NOL4: variants seen among roughly 807,000 people sequenced by gnomAD.
NOL4 encodes cancer/testis antigen 125.
NOL4 carries 17 observed loss-of-function variants against 75.9 expected under a neutral mutation model. The observed-to-expected ratio is 0.22, with a 90% confidence interval of 0.15 to 0.34. The LOEUF (loss-of-function observed/expected upper bound fraction) is 0.34. Ranked by LOEUF, NOL4 falls within the 10% of genes least tolerant of loss-of-function variation. The pLI is 1.00. For missense variants in NOL4, 614 were observed against 793.5 expected, an observed-to-expected ratio of 0.77 and a Z score of 2.72; for synonymous variants, 292 against 289.9, an observed-to-expected ratio of 1.01 and a Z score of -0.07.
chr18:33,924,201 C>A (rs906789654), intron 9 of NOL4, among the ~76,000 whole-genome samples: 1 of 152,220 alleles, frequency 6.6e-6, no homozygotes, highest in Non-Finnish European at 1.5e-5. Flanking sequence ...CAGCTCCCTG[C>A]AGCTGCGTCT....
chr18:33,955,155 T>C (rs1350757086), intron 8 of NOL4, among the ~76,000 whole-genome samples: 1 of 152,110 alleles, frequency 6.6e-6, no homozygotes, highest in Non-Finnish European at 1.5e-5. Flanking sequence ...ATAGGTATTA[T>C]AAAGTTTTTA....
chr18:34,200,391 T>C (rs897932670), intron 1 of NOL4, among the ~76,000 whole-genome samples: 2 of 151,844 alleles, frequency 1.3e-5, no homozygotes, highest in African/African-American at 4.8e-5. Context: ...ATAAAGTGAA[T>C]TTTTTATTAA....
intron 6 of NOL4, among the ~76,000 whole-genome samples, chr18:33,984,181 A>C (rs1438489122): frequency 6.6e-6 from 1 of 152,164 alleles, no homozygotes; most frequent in Non-Finnish European, 1.5e-5. Flanking sequence ...CTTTACCAAC[A>C]AACGAAATCT....
intron 5 of NOL4, among the ~76,000 whole-genome samples, chr18:34,030,299 A>G (rs1268480956): frequency 6.6e-6 from 1 of 152,198 alleles, no homozygotes; most frequent in African/African-American, 2.4e-5. Flanking sequence ...TATTCAAAGA[A>G]TCCTGAATTC....
chr18:34,077,549 G>A (rs189262847), intron 5 of NOL4, among the ~76,000 whole-genome samples: 2 of 151,742 alleles, frequency 1.3e-5, no homozygotes, highest in Admixed American at 6.6e-5. Flanking sequence ...AGCACCTAAC[G>A]ATTAACTTTA....
intron 6 of NOL4, among the ~76,000 whole-genome samples, chr18:33,980,864 G>T (rs1417676844): frequency 6.6e-6 from 1 of 151,898 alleles, no homozygotes; most frequent in Admixed American, 6.6e-5. Context: ...AGAACCAGAC[G>T]CAGGTATGGC....
intron 5 of NOL4, among the ~76,000 whole-genome samples, chr18:34,056,355 C>T (rs2076833461): frequency 6.6e-6 from 1 of 152,134 alleles, no homozygotes; most frequent in Non-Finnish European, 1.5e-5. Context: ...GATGTTTCTC[C>T]TCTGGGCTCG....
At chr18:34,128,487 C>A (rs1287571658) in intron 2 of NOL4, among the ~76,000 whole-genome samples, 1 of 151,836 alleles carries the variant, frequency 6.6e-6, no homozygotes, top group Non-Finnish European at 1.5e-5. Flanking sequence ...AGAGGAATAG[C>A]CCTGGCTTAG....
At chr18:34,172,541 C>G (rs2033150180) in intron 1 of NOL4, among the ~76,000 whole-genome samples, 1 of 151,926 alleles carries the variant, frequency 6.6e-6, no homozygotes, top group African/African-American at 2.4e-5. Context: ...GAATTTATAC[C>G]CAGAAGTAGA....
intron 6 of NOL4, among the ~76,000 whole-genome samples, chr18:34,003,303 A>G (rs969203787): frequency 1.3e-5 from 2 of 152,138 alleles, no homozygotes; most frequent in East Asian, 3.9e-4. Flanking sequence ...GTCTCACTCA[A>G]TAGATTGAGC....
At chr18:34,177,768 A>G (rs755943457) in intron 1 of NOL4, among the ~76,000 whole-genome samples, 2 of 151,930 alleles carry the variant, frequency 1.3e-5, no homozygotes, top group African/African-American at 2.4e-5. Flanking sequence ...CAGAAAATCT[A>G]TTCTTCAAAA....
rs1309585997 is a variant in NOL4 at position 34,060,920 on chromosome 18, T to C, written c.772+32545A>G. On this transcript the variant is annotated intron_variant, in intron 5 of 10. Coordinates refer to ENST00000261592, the MANE Select transcript of NOL4 (RefSeq NM_003787.5). ...TGACCTCTTAAAAATAAAAGTGCTA[T>C]GTAAATGCACAAAGACATCATTCCT... 2.0e-5 allele frequency among the ~76,000 whole-genome samples: 3 copies of C among 152,216 alleles called. No homozygotes were observed. The East Asian group carries it at 5.8e-4, about 29-fold the overall frequency.
chr18:33,993,167 T>G (rs1268621777), intron 6 of NOL4, among the ~76,000 whole-genome samples: 1 of 151,946 alleles, frequency 6.6e-6, no homozygotes, highest in Non-Finnish European at 1.5e-5. Flanking sequence ...GCACCTGAGT[T>G]TTATTGCCTT....
intron 5 of NOL4, among the ~76,000 whole-genome samples, chr18:34,078,994 A>AT (rs942260575): frequency 1.2e-4 from 18 of 151,986 alleles, no homozygotes; most frequent in Non-Finnish European, 2.4e-4. Flanking sequence ...AATAGAAGAC[A>AT]TTTTTTCTTT....
At position 34,002,716 on chromosome 18, in the gene NOL4, T is replaced by G. The variant is rs544781142; in HGVS notation, c.1056+16602A>C. Among the ~76,000 whole-genome samples, 4 of 152,234 alleles carry G rather than the reference T, an allele frequency of 2.6e-5. No individual in the cohort carries two copies. The South Asian group carries it at 8.3e-4, about 32-fold the overall frequency. On this transcript the variant is annotated intron_variant, in intron 6 of 10. Coordinates refer to ENST00000261592, the MANE Select transcript of NOL4 (RefSeq NM_003787.5). ...AAACACTTTGCATCAAAATGTACTA[T>G]TAAATAAAAATCTCCAATCTAAATG...
At chr18:33,886,820 T>C (rs2064704043) in intron 9 of NOL4, among the ~76,000 whole-genome samples, 1 of 142,186 alleles carries the variant, frequency 7.0e-6, no homozygotes, top group Non-Finnish European at 1.5e-5. Context: ...TAGATATATC[T>C]ATATACATAT....
intron 1 of NOL4, among the ~76,000 whole-genome samples, chr18:34,208,403 G>A (rs1600881518): frequency 6.6e-6 from 1 of 151,350 alleles, no homozygotes; most frequent in East Asian, 1.9e-4. Context: ...GGTAAGCATG[G>A]TAATAGATGA....
chr18:34,210,089 G>A (rs770433079), intron 1 of NOL4, among the ~76,000 whole-genome samples: 1 of 152,078 alleles, frequency 6.6e-6, no homozygotes, highest in African/African-American at 2.4e-5. Flanking sequence ...AAGTTGGAAG[G>A]CATAAAACAT....
At chr18:34,072,092 G>A (rs866168365) in intron 5 of NOL4, among the ~76,000 whole-genome samples, 7 of 151,986 alleles carry the variant, frequency 4.6e-5, no homozygotes, top group African/African-American at 1.2e-4. Flanking sequence ...TTAGCCGGGC[G>A]TGGTGGTGGG....
Sources: gnomAD v4.1 joint callset for allele counts (sites outside exome capture counted in the v4.1 genomes callset) on GRCh38, gnomAD v4.1.1 for gene constraint, MANE v1.5 for transcripts, NCBI Gene and HGNC (gene_info 2026-07-23, HGNC 2026-07-21) for gene names.